The following ATP10B variants were observed in gnomAD, a reference collection of about 807,000 sequenced individuals.
The protein encoded by ATP10B is phospholipid-transporting ATPase VB.
Under a neutral mutation model 141.2 loss-of-function variants are expected in ATP10B, and 122 were observed. The observed-to-expected ratio is 0.86, with a 90% CI of 0.75 to 1.00. The LOEUF (loss-of-function observed/expected upper bound fraction) is 1.00, where lower values mean the gene tolerates loss of function less well. Among genes scored for constraint, ATP10B ranks in the 50% least tolerant of loss-of-function variants. The pLI is 0.00. For synonymous variants in ATP10B, 685 were observed against 692.0 expected (o/e 0.99, Z 0.16); for missense variants, 1,876 against 1,825.3 (o/e 1.03, Z -0.51).
chr5:160,580,889 G>T (rs1020401601), intron 24 of ATP10B, among the ~76,000 whole-genome samples: 1 of 152,170 alleles, frequency 6.6e-6, no homozygotes, highest in Non-Finnish European at 1.5e-5. Flanking sequence ...AGTCTTGGGA[G>T]AGTGTATGTG....
At chr5:160,764,083 A>C (rs2127844275) in intron 2 of ATP10B, among the ~76,000 whole-genome samples, 1 of 152,274 alleles carries the variant, frequency 6.6e-6, no homozygotes, top group African/African-American at 2.4e-5. Context: ...TCAAGAAAAT[A>C]AACTTCAGGA....
At chr5:160,649,295 G>C (rs751495605) in intron 7 of ATP10B, 39 bp from the exon 8 acceptor site, 1 of 1,466,530 alleles carries the variant, frequency 6.8e-7, no homozygotes, top group Non-Finnish European at 9.6e-7. Context: ...TTAATTCAGA[G>C]GGATCTAGTT....
At chr5:160,865,599 C>T in the ATP10B span, among the ~76,000 whole-genome samples, 2 of 152,046 alleles carry the variant, frequency 1.3e-5, no homozygotes, top group Non-Finnish European at 2.9e-5. Context: ...TAAAAAGCTT[C>T]TCCAAAGCAA....
At chr5:160,812,572 C>G (rs1773250981) in intron 1 of ATP10B, among the ~76,000 whole-genome samples, 1 of 152,078 alleles carries the variant, frequency 6.6e-6, no homozygotes, top group Admixed American at 6.6e-5. Context: ...TAAAAGGAAT[C>G]AAGCAGAAAT....
chr5:160,629,343 A>G lies in ATP10B; in HGVS notation c.1620+2786T>C, dbSNP rs74611098. On this transcript the variant is annotated intron_variant, in intron 13 of 25. Coordinates refer to ENST00000327245, the MANE Select transcript of ATP10B (RefSeq NM_025153.3). ...TAGCACAAGAGTCCTTAAAGGCTGC[A>G]TACTTCACTCCCTTCAGCAAATGCC... Among the ~76,000 whole-genome samples the G allele has an allele frequency of 3.7e-3, 569 of 152,280 alleles. 3 individuals are homozygous for G. Among genetic ancestry groups the G allele is most frequent in the African/African-American group, 0.013 (535 of 41,576 alleles).
intron 6 of ATP10B, among the ~76,000 whole-genome samples, chr5:160,674,545 T>A (rs2024525): frequency 0.85 from 129,169 of 152,170 alleles, 54,969 homozygotes; most frequent in East Asian, 0.9. Flanking sequence ...TGGTTATAAT[T>A]GCCTGTCTTT....
chr5:160,750,778 A>G (rs1768099683), intron 2 of ATP10B, among the ~76,000 whole-genome samples: 1 of 152,050 alleles, frequency 6.6e-6, no homozygotes. Context: ...CTCCAGCCAC[A>G]CTCATTTTTT....
intron 6 of ATP10B, among the ~76,000 whole-genome samples, chr5:160,676,198 T>C (rs1763020386): frequency 1.3e-5 from 2 of 152,154 alleles, no homozygotes; most frequent in African/African-American, 4.8e-5. Context: ...GACCATGTGG[T>C]GGCAGTAAAG....
the ATP10B span, among the ~76,000 whole-genome samples, chr5:160,896,025 T>C: frequency 1.3e-5 from 2 of 152,156 alleles, no homozygotes; most frequent in Admixed American, 6.5e-5. Flanking sequence ...CATACTGGAA[T>C]CTCTGGGACA....
At chr5:160,651,473 T>C (rs544589637) in intron 7 of ATP10B, among the ~76,000 whole-genome samples, 1 of 152,176 alleles carries the variant, frequency 6.6e-6, no homozygotes, top group African/African-American at 2.4e-5. Flanking sequence ...GGGGCTAACA[T>C]CACCTGCCCT....
intron 25 of ATP10B, among the ~76,000 whole-genome samples, chr5:160,568,671 T>C (rs1754699614): frequency 6.6e-6 from 1 of 152,136 alleles, no homozygotes; most frequent in Non-Finnish European, 1.5e-5. Context: ...TTCTGGTCCC[T>C]CTTGGTACTT....
the ATP10B span, among the ~76,000 whole-genome samples, chr5:160,910,855 T>C: frequency 1.3e-5 from 2 of 152,218 alleles, no homozygotes; most frequent in Non-Finnish European, 1.5e-5. Context: ...AGTTTCATCA[T>C]AAAATTTGAT....
Position 160,565,173 on chromosome 5 carries a change from C to T in ATP10B, c.*280G>A. 2.2e-6 allele frequency: 1 copy of T among 453,602 alleles called. No homozygotes were observed. Among genetic ancestry groups the T allele is most frequent in the Non-Finnish European group, 4.0e-6 (1 of 250,380 alleles). The allele number at this position is 453,602 out of a possible 1,614,324, so 28.1% of individuals were successfully genotyped here. ...AGAGGGTCAGAAGAATGGCTTTGGT[C>T]TAAACCGATTTGAGAACTCGATTCA... On this transcript the variant is annotated 3_prime_UTR_variant, in exon 26 of 26. Coordinates refer to ENST00000327245, the MANE Select transcript of ATP10B (RefSeq NM_025153.3).
chr5:160,821,085 A>T (rs1774067181), intron 1 of ATP10B, among the ~76,000 whole-genome samples: 1 of 152,158 alleles, frequency 6.6e-6, no homozygotes, highest in African/African-American at 2.4e-5. Context: ...CTTTGTTTGC[A>T]GATTATGTTA....
chr5:160,797,170 T>C (rs1772006089), intron 1 of ATP10B, among the ~76,000 whole-genome samples: 1 of 152,170 alleles, frequency 6.6e-6, no homozygotes, highest in African/African-American at 2.4e-5. Flanking sequence ...TGGCTGCATC[T>C]TCCCTGATTG....
At chr5:160,877,908 C>G in the ATP10B span, among the ~76,000 whole-genome samples, 14 of 150,672 alleles carry the variant, frequency 9.3e-5, no homozygotes, top group Non-Finnish European at 1.6e-4. Flanking sequence ...GAAGAACATT[C>G]CATGCTCATG....
chr5:160,666,230 C>T (rs1249106686), intron 7 of ATP10B, among the ~76,000 whole-genome samples: 2 of 152,034 alleles, frequency 1.3e-5, no homozygotes, highest in Non-Finnish European at 2.9e-5. Context: ...TCGAGATTGT[C>T]TGGGAGAAAA....
At chr5:160,818,292 C>A (rs1283623012) in intron 1 of ATP10B, among the ~76,000 whole-genome samples, 3 of 152,166 alleles carry the variant, frequency 2.0e-5, no homozygotes, top group Non-Finnish European at 4.4e-5. Flanking sequence ...TGAACTCAAA[C>A]AAATTTACAA....
intron 1 of ATP10B, among the ~76,000 whole-genome samples, chr5:160,833,656 CTA>C (rs1043360536): frequency 1.3e-5 from 2 of 151,850 alleles, no homozygotes; most frequent in Non-Finnish European, 2.9e-5. Context: ...TATAAAATAA[CTA>C]TGATTACAAT....
Sources: allele counts gnomAD v4.1 joint callset (sites outside exome capture counted in the v4.1 genomes callset), GRCh38; gene constraint gnomAD v4.1.1; transcripts MANE v1.5; gene names NCBI Gene and HGNC (gene_info 2026-07-23, HGNC 2026-07-21).